Variants in SHISA9 observed in about 807,000 individuals in gnomAD.
The protein encoded by SHISA9 is shisa family member 9.
A neutral mutation model predicts 38.0 loss-of-function variants in SHISA9; 13 were observed. The ratio of observed to expected loss-of-function variants is 0.34; its 90% CI spans 0.22 to 0.54. The LOEUF (loss-of-function observed/expected upper bound fraction) is 0.54, where lower values mean the gene tolerates loss of function less well. SHISA9 is among the 20% of genes least tolerant of loss of function. The probability of loss-of-function intolerance (pLI) is 0.91; values close to 1 mark genes in which losing one functional copy is unlikely to be tolerated. For missense variants in SHISA9, 538 were observed against 575.8 expected (o/e 0.93, Z 0.67); for synonymous variants, 275 against 242.0 (o/e 1.14, Z -1.27).
At chr16:13,162,842 C>T (rs891974692) in intron 2 of SHISA9, among the ~76,000 whole-genome samples, 4 of 151,886 alleles carry the variant, frequency 2.6e-5, no homozygotes, top group Admixed American at 6.6e-5. Context: ...AAAAAAAAAC[C>T]GATACAAGAA....
chr16:13,353,216 G>A, the SHISA9 span, among the ~76,000 whole-genome samples: 1 of 152,100 alleles, frequency 6.6e-6, no homozygotes, highest in Non-Finnish European at 1.5e-5. Flanking sequence ...GATATTGTGG[G>A]GATGTTAGAA....
chr16:13,426,645 CAG>C, the SHISA9 span, among the ~76,000 whole-genome samples: 2 of 152,116 alleles, frequency 1.3e-5, no homozygotes, highest in Non-Finnish European at 2.9e-5. Flanking sequence ...TAATTTCAGA[CAG>C]AACAATACAT....
the SHISA9 span, among the ~76,000 whole-genome samples, chr16:13,553,092 C>T: frequency 1.3e-5 from 2 of 152,152 alleles, no homozygotes; most frequent in Admixed American, 6.5e-5. Flanking sequence ...CAAATGACCC[C>T]TGGGGGACAA....
the SHISA9 span, among the ~76,000 whole-genome samples, chr16:13,274,264 C>CA: frequency 3.9e-4 from 60 of 152,290 alleles, no homozygotes; most frequent in African/African-American, 1.3e-3. Context: ...ATTTGGTGTT[C>CA]TGGCTCTCAG....
At chr16:12,924,573 G>A (rs1366386806) in intron 2 of SHISA9, among the ~76,000 whole-genome samples, 1 of 152,152 alleles carries the variant, frequency 6.6e-6, no homozygotes, top group Non-Finnish European at 1.5e-5. Context: ...GATTCTAAGG[G>A]TTTTGGCATA....
At chr16:12,928,320 GTGTGTGTGTGTA>G (rs1426689802) in intron 2 of SHISA9, among the ~76,000 whole-genome samples, 1 of 139,984 alleles carries the variant, frequency 7.1e-6, no homozygotes, top group East Asian at 2.3e-4. Context: ...TTGGTTGTGT[GTGTGTGTGTGTA>G]TGTGTGTGTG....
chr16:13,463,977 C>G, the SHISA9 span, among the ~76,000 whole-genome samples: 1 of 152,234 alleles, frequency 6.6e-6, no homozygotes, highest in Non-Finnish European at 1.5e-5. Context: ...TGCCCAAAGG[C>G]AATGCTAATT....
chr16:13,390,722 G>A, the SHISA9 span, among the ~76,000 whole-genome samples: 2 of 152,178 alleles, frequency 1.3e-5, no homozygotes, highest in Non-Finnish European at 2.9e-5. Flanking sequence ...CATTTGTGTA[G>A]CACTTTTCCA....
At chr16:12,997,458 G>C (rs1437075331) in intron 2 of SHISA9, among the ~76,000 whole-genome samples, 1 of 149,686 alleles carries the variant, frequency 6.7e-6, no homozygotes, top group African/African-American at 2.5e-5. Flanking sequence ...CCAAGGTGGA[G>C]TGCAATGGTG....
In SHISA9 at chr16:13,020,251, C is replaced by T. The variant is rs541068233; in HGVS notation, c.691+103436C>T. On this transcript the variant is annotated intron_variant, in intron 2 of 4. Coordinates refer to ENST00000558583, the MANE Select transcript of SHISA9 (RefSeq NM_001145204.3). ...ATGTTGGCCAGGCTTGTCTTGAACT[C>T]CTGACCTCAGGTGATCTGCCCACCT... Among the ~76,000 whole-genome samples the T allele has an allele frequency of 1.7e-3, 257 of 151,846 alleles. 2 individuals are homozygous for T. The highest frequency in any genetic ancestry group is 5.8e-3 in the African/African-American group (242 of 41,402).
At chr16:12,947,806 A>G (rs1596544295) in intron 2 of SHISA9, among the ~76,000 whole-genome samples, 1 of 152,208 alleles carries the variant, frequency 6.6e-6, no homozygotes, top group Admixed American at 6.5e-5. Context: ...TCCTCTGAGA[A>G]ATAGAACACA....
the SHISA9 span, among the ~76,000 whole-genome samples, chr16:13,414,874 C>T: frequency 6.6e-6 from 1 of 152,092 alleles, no homozygotes; most frequent in Non-Finnish European, 1.5e-5. Flanking sequence ...CTTAGGTGAT[C>T]CACCTGCCTT....
intron 2 of SHISA9, among the ~76,000 whole-genome samples, chr16:13,172,435 G>T (rs1369428847): frequency 6.6e-6 from 1 of 152,210 alleles, no homozygotes; most frequent in Non-Finnish European, 1.5e-5. Context: ...AAGGGAATTA[G>T]TAACTGAGTC....
At chr16:12,958,519 AATATGTCTTC>A (rs1200985595) in intron 2 of SHISA9, among the ~76,000 whole-genome samples, 2 of 152,204 alleles carry the variant, frequency 1.3e-5, no homozygotes, top group Non-Finnish European at 2.9e-5. Flanking sequence ...TGCTGGACAC[AATATGTCTTC>A]ATAATAGATG....
chr16:13,176,037 T>C (rs2050728795), intron 2 of SHISA9, among the ~76,000 whole-genome samples: 1 of 152,202 alleles, frequency 6.6e-6, no homozygotes, highest in African/African-American at 2.4e-5. Flanking sequence ...AGCATTTTTT[T>C]CCTACTAAAG....
intron 2 of SHISA9, among the ~76,000 whole-genome samples, chr16:13,024,843 C>T (rs546902148): frequency 1.3e-4 from 20 of 152,108 alleles, no homozygotes; most frequent in East Asian, 5.8e-4. Flanking sequence ...TACTTCCTGA[C>T]GCCTGGTTAG....
intron 2 of SHISA9, among the ~76,000 whole-genome samples, chr16:13,084,912 G>A (rs998196398): frequency 3.3e-5 from 5 of 152,196 alleles, no homozygotes; most frequent in African/African-American, 1.2e-4. Context: ...TTTGTTTGAG[G>A]CCAATTTATT....
chr16:13,008,345 C>T (rs569203428), intron 2 of SHISA9, among the ~76,000 whole-genome samples: 9 of 152,258 alleles, frequency 5.9e-5, no homozygotes, highest in Admixed American at 3.3e-4. Context: ...GGGATCATCT[C>T]CAAAATAAAC....
chr16:13,557,930 A>G, the SHISA9 span, among the ~76,000 whole-genome samples: 1 of 152,096 alleles, frequency 6.6e-6, no homozygotes, highest in African/African-American at 2.4e-5. Flanking sequence ...TTTCCTCTGC[A>G]TGGACACACT....
Sources: gnomAD v4.1 joint callset for allele counts (sites outside exome capture counted in the v4.1 genomes callset) on GRCh38, gnomAD v4.1.1 for gene constraint, MANE v1.5 for transcripts, NCBI Gene and HGNC (gene_info 2026-07-23, HGNC 2026-07-21) for gene names.